SLC25A26: variants seen among roughly 807,000 people sequenced by gnomAD.
SLC25A26 encodes solute carrier family 25 member 26, also known as mitochondrial S-adenosylmethionine carrier protein.
A neutral mutation model predicts 37.8 loss-of-function variants in SLC25A26; 36 were observed. That is an observed-to-expected ratio of 0.95 (90% confidence interval 0.73 to 1.26). SLC25A26 has a LOEUF of 1.26. Ranked by LOEUF, SLC25A26 falls within the 50% of genes most tolerant of loss-of-function variation. The pLI, the probability that SLC25A26 is intolerant of heterozygous loss-of-function variation, is 0.00. For synonymous variants in SLC25A26, 129 were observed against 122.5 expected, an observed-to-expected ratio of 1.05 and a Z score of -0.35; for missense variants, 390 against 331.1, an observed-to-expected ratio of 1.18 and a Z score of -1.38.
chr3:66,138,329 C>G (rs1359806762), intron 1 of SLC25A26, among the ~76,000 whole-genome samples: 1 of 152,068 alleles, frequency 6.6e-6, no homozygotes, highest in Non-Finnish European at 1.5e-5. Context: ...ACAAATCTCA[C>G]CCCCCTTCAG....
chr3:66,149,679 A>G (rs986195000), intron 1 of SLC25A26, among the ~76,000 whole-genome samples: 5 of 152,214 alleles, frequency 3.3e-5, no homozygotes, highest in Admixed American at 6.5e-5. Context: ...TAATGACACT[A>G]AGGGACTAAA....
At chr3:66,315,032 AGTC>A (rs202214295) in intron 5 of SLC25A26, among the ~76,000 whole-genome samples, 1 of 143,026 alleles carries the variant, frequency 7.0e-6, no homozygotes, top group African/African-American at 2.5e-5. Context: ...TCTAGTTAGT[AGTC>A]TATTTTTATT....
intron 1 of SLC25A26, among the ~76,000 whole-genome samples, chr3:66,157,819 C>T (rs574208307): frequency 1.3e-5 from 2 of 152,144 alleles, no homozygotes; most frequent in African/African-American, 2.4e-5. Context: ...GACAGGGTCT[C>T]GCTCTGTTGT....
intron 1 of SLC25A26, among the ~76,000 whole-genome samples, chr3:66,213,819 A>T (rs2071320959): frequency 6.6e-6 from 1 of 152,210 alleles, no homozygotes; most frequent in East Asian, 1.9e-4. Flanking sequence ...AGTCCTAACT[A>T]TTTGGGAGGC....
chr3:66,250,799 G>A (rs895976249), intron 3 of SLC25A26, among the ~76,000 whole-genome samples: 28 of 152,186 alleles, frequency 1.8e-4, no homozygotes, highest in African/African-American at 6.5e-4. Context: ...TCACAGAATA[G>A]CCAGGCTTTA....
At chr3:66,322,693 A>C (rs1296800808) in intron 5 of SLC25A26, among the ~76,000 whole-genome samples, 2 of 152,232 alleles carry the variant, frequency 1.3e-5, no homozygotes, top group African/African-American at 2.4e-5. Context: ...TTAGAATTTG[A>C]AGTTTTGTAC....
At chr3:66,257,189 G>A (rs561773673) in intron 3 of SLC25A26, among the ~76,000 whole-genome samples, 1 of 151,958 alleles carries the variant, frequency 6.6e-6, no homozygotes, top group Admixed American at 6.5e-5. Context: ...ATCTTTTGAG[G>A]TTAGATAAGG....
chr3:66,153,241 C>T (rs1323865206), intron 1 of SLC25A26, among the ~76,000 whole-genome samples: 1 of 152,108 alleles, frequency 6.6e-6, no homozygotes, highest in Non-Finnish European at 1.5e-5. Flanking sequence ...AATCTCTTTT[C>T]CCCTACACAA....
chr3:66,324,378 G>A (rs916875912), intron 5 of SLC25A26, among the ~76,000 whole-genome samples: 1 of 152,056 alleles, frequency 6.6e-6, no homozygotes, highest in Non-Finnish European at 1.5e-5. Flanking sequence ...TGGTCTGAGT[G>A]ATACCAGCTG....
intron 9 of SLC25A26, 102 bp from the exon 10 acceptor site, chr3:66,377,588 C>A: frequency 1.2e-6 from 1 of 828,324 alleles, no homozygotes. Context: ...GGTAGTTAGC[C>A]ACTAATGAGC....
chr3:66,273,204 A>T (rs1030236464), intron 5 of SLC25A26, among the ~76,000 whole-genome samples: 7 of 152,154 alleles, frequency 4.6e-5, no homozygotes, highest in African/African-American at 1.4e-4. Context: ...CCAGTATTTT[A>T]TTGAGGATTT....
At chr3:66,300,256 G>GTTTTTTTTTTTTT (rs916553948) in intron 5 of SLC25A26, among the ~76,000 whole-genome samples, 10 of 116,658 alleles carry the variant, frequency 8.6e-5, no homozygotes, top group Non-Finnish European at 1.3e-4. Flanking sequence ...TTTTTGTTTT[G>GTTTTTTTTTTTTT]TTTTTTTTTT....
chr3:66,208,787 T>C (rs1168917060), intron 1 of SLC25A26, among the ~76,000 whole-genome samples: 1 of 117,370 alleles, frequency 8.5e-6, no homozygotes, highest in Non-Finnish European at 1.8e-5. Context: ...TATATGGGTA[T>C]ATATATACAC....
rs1553658115 is a variant in SLC25A26 at position 66,221,074 on chromosome 3, C to G, written c.-21C>G. The G allele has an allele frequency of 7.8e-6, 12 of 1,535,254 alleles. No individual in the cohort carries two copies. The African/African-American group carries it at 1.2e-4, about 16-fold the overall frequency. ...CTTCTGCTCCGGCTTGGATTGTAGC[C>G]TTGACGAGGTCTGAGCGACCATGGA... On this transcript the variant is annotated 5_prime_UTR_variant, in exon 1 of 10. Coordinates refer to ENST00000354883, the MANE Select transcript of SLC25A26 (RefSeq NM_001379210.1).
intron 1 of SLC25A26, among the ~76,000 whole-genome samples, chr3:66,215,190 T>C (rs1451965820): frequency 6.6e-6 from 1 of 152,138 alleles, no homozygotes; most frequent in Non-Finnish European, 1.5e-5. Context: ...CTATTATTAT[T>C]ATTAATTTTA....
intron 1 of SLC25A26, among the ~76,000 whole-genome samples, chr3:66,204,250 C>T (rs1474615459): frequency 6.6e-6 from 1 of 151,476 alleles, no homozygotes; most frequent in Non-Finnish European, 1.5e-5. Context: ...ACGGTGAAAC[C>T]CCGTCTCTGC....
At position 66,193,044 on chromosome 3, in the gene SLC25A26, A is replaced by T. The variant is rs1221940020; in HGVS notation, c.-353-27698A>T. On this transcript the variant is annotated intron_variant, in intron 1 of 10. Coordinates refer to the SLC25A26 transcript ENST00000676754. The stretch of plus-strand genomic sequence containing the variant: ...TATACTAGGTACAAGGATTGCAGAG[A>T]GATACAGGTATGTATATATAGGATT... Among the ~76,000 whole-genome samples the T allele has an allele frequency of 2.0e-5, 3 of 152,180 alleles. No individual in the cohort carries two copies. In the East Asian group the frequency reaches 5.8e-4, roughly 29 times the overall value.
chr3:66,260,509 T>C (rs1272396649), intron 3 of SLC25A26, among the ~76,000 whole-genome samples: 2 of 152,254 alleles, frequency 1.3e-5, no homozygotes, highest in Non-Finnish European at 2.9e-5. Flanking sequence ...ATGAATCCTT[T>C]GTTAACATAA....
At chr3:66,341,924 G>GT (rs928822204) in intron 5 of SLC25A26, among the ~76,000 whole-genome samples, 8 of 151,954 alleles carry the variant, frequency 5.3e-5, no homozygotes, top group African/African-American at 1.9e-4. Flanking sequence ...TTTTGTTGTT[G>GT]TTTTTTTAAG....
Sources: gnomAD v4.1 joint callset for allele counts (sites outside exome capture counted in the v4.1 genomes callset) on GRCh38, gnomAD v4.1.1 for gene constraint, MANE v1.5 for transcripts, NCBI Gene and HGNC (gene_info 2026-07-23, HGNC 2026-07-21) for gene names.